The following POU1F1 variants were observed in gnomAD, a reference collection of about 807,000 sequenced individuals.
POU1F1 encodes pituitary-specific positive transcription factor 1.
Under a neutral mutation model 32.3 loss-of-function variants are expected in POU1F1, and 23 were observed. The observed-to-expected ratio is 0.71, with a 90% CI of 0.51 to 1.01. POU1F1 has a LOEUF of 1.01. Ranked by LOEUF, POU1F1 falls within the 50% of genes least tolerant of loss-of-function variation. The probability of loss-of-function intolerance (pLI) is 0.00; values close to 1 mark genes in which losing one functional copy is unlikely to be tolerated. For missense variants in POU1F1, 323 were observed against 341.6 expected (o/e 0.95, Z 0.43); for synonymous variants, 120 against 115.6 (o/e 1.04, Z -0.25).
At chr3:87,273,595 AT>A in intron 1 of POU1F1, 177 bp from the exon 2 acceptor site, 1 of 1,255,206 alleles carries the variant, frequency 8.0e-7, no homozygotes, top group Non-Finnish European at 1.1e-6. Flanking sequence ...TGTTTTTCTC[AT>A]TTTGGGTAAG....
rs182127067 is a variant in POU1F1, at chr3:87,260,112, G to T, written c.666-8C>A. The T allele has an allele frequency of 8.1e-6, 13 of 1,611,520 alleles. No homozygotes were observed. The highest frequency in any genetic ancestry group is 8.0e-5 in the African/African-American group (6 of 74,822). On this transcript the variant is annotated splice_region_variant and splice_polypyrimidine_tract_variant and intron_variant, in intron 5 of 5. Transcript: ENST00000350375. ...GCATCTTTAGCAGCAATGCTGGCGG[G>T]GGGTGGACATAGGGGGTGAAATTTT...
At chr3:87,262,581 T>C (rs11127975) in intron 3 of POU1F1, among the ~76,000 whole-genome samples, 58,406 of 151,726 alleles carry the variant, frequency 0.38, 11,773 homozygotes, top group South Asian at 0.57. Context: ...TTGTTAGTTA[T>C]CAAATAATAT....
chr3:87,262,045 C>T, intron 4 of POU1F1, 26 bp downstream of exon 4: 1 of 1,613,528 alleles, frequency 6.2e-7, no homozygotes. Context: ...AAACACAGCA[C>T]AGCCTTCAGA....
At chr3:87,271,645 A>C (rs1217665013) in intron 2 of POU1F1, among the ~76,000 whole-genome samples, 5 of 152,104 alleles carry the variant, frequency 3.3e-5, no homozygotes, top group Non-Finnish European at 7.4e-5. Context: ...ATCCACCCGC[A>C]CCTCCAGTAG....
chr3:87,268,358 C>T (rs1484395556), intron 2 of POU1F1, among the ~76,000 whole-genome samples: 1 of 152,098 alleles, frequency 6.6e-6, no homozygotes, highest in Non-Finnish European at 1.5e-5. Flanking sequence ...CTGCCTGCCT[C>T]GGCCTCCTAA....
chr3:87,273,296 C>T, intron 2 of POU1F1, 51 bp downstream of exon 2: 1 of 1,540,366 alleles, frequency 6.5e-7, no homozygotes, highest in Non-Finnish European at 8.9e-7. Context: ...CCCAGAAAAT[C>T]CATCTAAGTG....
chr3:87,274,189 T>C (rs944621323), intron 1 of POU1F1, among the ~76,000 whole-genome samples: 5 of 152,096 alleles, frequency 3.3e-5, no homozygotes, highest in African/African-American at 1.2e-4. Flanking sequence ...AAGCCGTACA[T>C]AAACATAACC....
chr3:87,273,629 C>A lies in POU1F1; in HGVS notation c.143-211G>T, dbSNP rs1391800890. ...AAGTTCTCTGACGAGTAGGTTAAAA[C>A]TAGGGGGGATCAAAGTTTGTCTCAT... is the stretch of plus-strand genomic sequence containing the variant. On this transcript the variant is annotated intron_variant, in intron 1 of 5. Transcript: ENST00000350375. 8.4e-6 allele frequency: 7 copies of A among 832,038 alleles called. No homozygotes were observed. In the East Asian group the frequency reaches 1.6e-4, roughly 19 times the overall value. 51.5% of individuals were successfully genotyped at this position (832,038 alleles called of 1,614,324 possible).
At chr3:87,266,139 G>T (rs1407167034) in intron 2 of POU1F1, among the ~76,000 whole-genome samples, 1 of 148,760 alleles carries the variant, frequency 6.7e-6, no homozygotes, top group Non-Finnish European at 1.5e-5. Flanking sequence ...AATATATAAT[G>T]AGCAAAGAAT....
chr3:87,263,628 C>A (rs79294158), intron 3 of POU1F1, among the ~76,000 whole-genome samples: 1 of 151,954 alleles, frequency 6.6e-6, no homozygotes. Flanking sequence ...ATTTTTGCTG[C>A]GCATATATTT....
rs747262422 is a variant in POU1F1 at position 87,264,434 on chromosome 3, A to G, written c.293T>C (p.Leu98Pro). The G allele has an allele frequency of 1.9e-6, 3 of 1,613,700 alleles. No homozygotes were observed. The highest frequency in any genetic ancestry group is 3.3e-5 in the Admixed American group (2 of 59,996). The change falls in exon 3 of 6, where the codon CTG (leucine) becomes CCG (proline). Residue 98 changes from leucine to proline, a missense_variant. By Grantham distance (98) the Leu-to-Pro change is moderately conservative. Coordinates refer to ENST00000350375, the MANE Select transcript of POU1F1 (RefSeq NM_000306.4). Reference sequence around the variant, plus strand: ...ATCAGCAGCTGTGGGGTCCTCTGCCAGAAGAGGCTGGTGTATAGGAGGAAA... The same window carrying G: ...ATCAGCAGCTGTGGGGTCCTCTGCCGGAAGAGGCTGGTGTATAGGAGGAAA... The part of the protein sequence containing the change: ...HGFPPIHQPL[L>P]AEDPTAADFK...
At chr3:87,268,900 T>G (rs562834765) in intron 2 of POU1F1, among the ~76,000 whole-genome samples, 1 of 152,110 alleles carries the variant, frequency 6.6e-6, no homozygotes, top group East Asian at 1.9e-4. Context: ...GCAATGGGGG[T>G]CAGAGATAGG....
intron 1 of POU1F1, chr3:87,273,624 T>A: frequency 1.1e-6 from 1 of 879,114 alleles, no homozygotes; most frequent in Non-Finnish European, 1.7e-6. Flanking sequence ...ACGAGTAGGT[T>A]AAAACTAGGG....
intron 2 of POU1F1, among the ~76,000 whole-genome samples, chr3:87,268,029 C>T (rs937803836): frequency 3.2e-4 from 48 of 151,012 alleles, no homozygotes; most frequent in African/African-American, 1.2e-3. Context: ...GTTTGGCATC[C>T]AGAACAAGAA....
At chr3:87,266,480 A>T (rs1044776937) in intron 2 of POU1F1, among the ~76,000 whole-genome samples, 3 of 150,900 alleles carry the variant, frequency 2.0e-5, no homozygotes, top group Non-Finnish European at 3.0e-5. Flanking sequence ...TAAACAAATT[A>T]GCATAACATA....
chr3:87,263,492 G>A (rs1706549337), intron 3 of POU1F1, among the ~76,000 whole-genome samples: 1 of 152,104 alleles, frequency 6.6e-6, no homozygotes, highest in Admixed American at 6.6e-5. Context: ...TATATAGCCT[G>A]AGGATGGTGA....
rs546608354 is a variant in POU1F1, at chr3:87,261,890, A to G, written c.604+181T>C. Reference sequence around the variant, plus strand: ...TCAATAAATTTATTTCCACACTTACATTGCCCTTCCTTTTTTGTTGTTTGT... The same window carrying G: ...TCAATAAATTTATTTCCACACTTACGTTGCCCTTCCTTTTTTGTTGTTTGT... On this transcript the variant is annotated intron_variant, in intron 4 of 5. Coordinates refer to ENST00000350375, the MANE Select transcript of POU1F1 (RefSeq NM_000306.4). 6.6e-5 allele frequency among the ~76,000 whole-genome samples: 10 copies of G among 152,216 alleles called. No individual in the cohort carries two copies. The South Asian group carries it at 2.1e-3, about 32-fold the overall frequency.
intron 2 of POU1F1, among the ~76,000 whole-genome samples, chr3:87,265,919 A>C (rs1706611890): frequency 6.6e-6 from 1 of 151,646 alleles, no homozygotes; most frequent in Admixed American, 6.6e-5. Context: ...TTATATAAAA[A>C]TATTGAGTAA....
chr3:87,274,642 C>T (rs1575983689), intron 1 of POU1F1, among the ~76,000 whole-genome samples: 1 of 151,444 alleles, frequency 6.6e-6, no homozygotes, highest in East Asian at 1.9e-4. Flanking sequence ...CATTACTGTG[C>T]ATTCCAAAAT....
Sources: allele counts gnomAD v4.1 joint callset (sites outside exome capture counted in the v4.1 genomes callset), GRCh38; gene constraint gnomAD v4.1.1; transcripts MANE v1.5; gene names NCBI Gene and HGNC (gene_info 2026-07-23, HGNC 2026-07-21).